Variants in R3HDM1 observed in about 807,000 individuals in gnomAD.
R3HDM1 encodes the protein R3H domain-containing protein 1.
In R3HDM1, 46 loss-of-function variants were observed where a neutral mutation model predicts 141.1. That is an observed-to-expected ratio of 0.33 (90% CI 0.26 to 0.42). The LOEUF is 0.42. Ranked by LOEUF, R3HDM1 falls within the 10% of genes least tolerant of loss-of-function variation. The pLI is 1.00. For missense variants in R3HDM1, 1,184 were observed against 1,368.3 expected (o/e 0.87, Z 2.12); for synonymous variants, 435 against 472.9 (o/e 0.92, Z 1.04).
chr2:135,586,627 A>C (rs969682327), intron 1 of R3HDM1: 1 of 884,544 alleles, frequency 1.1e-6, no homozygotes. Flanking sequence ...TACTATATTG[A>C]AAGTGAGAGC....
intron 21 of R3HDM1, 52 bp downstream of exon 21, chr2:135,680,376 T>A (rs753092271): frequency 1.3e-6 from 2 of 1,587,260 alleles, no homozygotes; most frequent in African/African-American, 2.7e-5. Flanking sequence ...TTTACCAGGA[T>A]TATGGTCTGT....
chr2:135,571,486 C>T (rs971065154), intron 1 of R3HDM1, among the ~76,000 whole-genome samples: 3 of 151,576 alleles, frequency 2.0e-5, no homozygotes, highest in Non-Finnish European at 4.4e-5. Flanking sequence ...CCACCACACC[C>T]GGCTTATTTT....
At chr2:135,647,960 C>A (rs921032832) in intron 16 of R3HDM1, among the ~76,000 whole-genome samples, 4 of 152,128 alleles carry the variant, frequency 2.6e-5, no homozygotes, top group Admixed American at 2.6e-4. Flanking sequence ...TTAATTCATA[C>A]CCTTGGTGCT....
chr2:135,628,513 C>T (rs547913851), intron 7 of R3HDM1, among the ~76,000 whole-genome samples: 1 of 152,302 alleles, frequency 6.6e-6, no homozygotes, highest in South Asian at 2.1e-4. Context: ...GTGCATTTCA[C>T]TGAAGAACAA....
At chr2:135,540,467 C>G (rs1306365805) in intron 1 of R3HDM1, among the ~76,000 whole-genome samples, 1 of 152,144 alleles carries the variant, frequency 6.6e-6, no homozygotes, top group African/African-American at 2.4e-5. Flanking sequence ...GCTCTGTTGC[C>G]CAGGTTGGAG....
intron 1 of R3HDM1, among the ~76,000 whole-genome samples, chr2:135,564,880 G>A (rs541368936): frequency 5.3e-5 from 8 of 152,296 alleles, no homozygotes; most frequent in Non-Finnish European, 1.2e-4. Context: ...TGCCTGGCAA[G>A]TAGTTATCAC....
At chr2:135,709,081 C>T (rs1220568507) in intron 21 of R3HDM1, among the ~76,000 whole-genome samples, 1 of 151,454 alleles carries the variant, frequency 6.6e-6, no homozygotes, top group African/African-American at 2.4e-5. Flanking sequence ...TCTGTTGTTT[C>T]CTCTATTCTT....
At chr2:135,720,568 A>G (rs1210274516) in intron 24 of R3HDM1, among the ~76,000 whole-genome samples, 2 of 152,254 alleles carry the variant, frequency 1.3e-5, no homozygotes, top group African/African-American at 4.8e-5. Flanking sequence ...CCTGAGTGAT[A>G]GAAAGCAATT....
At chr2:135,584,388 A>G (rs536681036) in intron 1 of R3HDM1, 6 of 940,986 alleles carry the variant, frequency 6.4e-6, no homozygotes, top group African/African-American at 3.6e-5. Flanking sequence ...GAAAGTTTTC[A>G]TTACCTGACC....
At chr2:135,698,141 G>A (rs2073556022) in intron 21 of R3HDM1, among the ~76,000 whole-genome samples, 1 of 150,828 alleles carries the variant, frequency 6.6e-6, no homozygotes, top group Non-Finnish European at 1.5e-5. Flanking sequence ...GGAAGGCAGG[G>A]ATACTTCTTT....
intron 19 of R3HDM1, chr2:135,670,634 G>A (rs1042439022): frequency 2.6e-5 from 4 of 155,628 alleles, no homozygotes; most frequent in East Asian, 1.9e-4. Flanking sequence ...ATGTAAATGG[G>A]GAGTATCTAT....
At chr2:135,604,149 T>C (rs2059851604) in intron 2 of R3HDM1, among the ~76,000 whole-genome samples, 1 of 152,226 alleles carries the variant, frequency 6.6e-6, no homozygotes, top group African/African-American at 2.4e-5. Context: ...TTCTTCATAT[T>C]GCTGAACATA....
chr2:135,698,999 A>ATAGG (rs2073726888), intron 21 of R3HDM1, among the ~76,000 whole-genome samples: 1 of 113,280 alleles, frequency 8.8e-6, no homozygotes, highest in Admixed American at 8.9e-5. Context: ...AGATAGATAG[A>ATAGG]TAGATAGATA....
At chr2:135,546,361 C>T (rs1018236763) in intron 1 of R3HDM1, among the ~76,000 whole-genome samples, 17 of 152,252 alleles carry the variant, frequency 1.1e-4, no homozygotes, top group Non-Finnish European at 1.6e-4. Context: ...TTCCCTTCCT[C>T]TCCACCCTGA....
In R3HDM1 at chr2:135,723,899, A is replaced by AAATCAAT. The variant is rs758282100; in HGVS notation, c.3050-37_3050-36insATCAATA. Reference sequence around the variant, plus strand: ...TGCTTTTTTACCCAACTTTTTTGGTAACAGGAATGTATTGATTCTGTACCT... The same window carrying AAATCAAT: ...TGCTTTTTTACCCAACTTTTTTGGTAAATCAATACAGGAATGTATTGATTCTGTACCT... On this transcript the variant is annotated intron_variant, in intron 26 of 26. Coordinates refer to ENST00000683871, the MANE Select transcript of R3HDM1 (RefSeq NM_001378107.1). 24 of 1,518,256 alleles carry AAATCAAT rather than the reference A, an allele frequency of 1.6e-5. No individual in the cohort carries two copies. In the East Asian group the frequency reaches 5.5e-4, roughly 35 times the overall value. 94.0% of individuals were successfully genotyped at this position (1,518,256 alleles called of 1,614,324 possible).
chr2:135,723,837 C>T (rs1003365367), intron 26 of R3HDM1, 100 bp from the exon 27 acceptor site: 19 of 626,642 alleles, frequency 3.0e-5, no homozygotes, highest in Admixed American at 2.0e-4. Context: ...TTTGTGTATT[C>T]GAATGGTCAT....
chr2:135,591,143 A>G (rs569482616), intron 1 of R3HDM1, among the ~76,000 whole-genome samples: 1 of 152,292 alleles, frequency 6.6e-6, no homozygotes, highest in South Asian at 2.1e-4. Flanking sequence ...GTGAAGTTTC[A>G]CATTTTAAGC....
intron 15 of R3HDM1, among the ~76,000 whole-genome samples, chr2:135,643,995 G>A (rs1015599492): frequency 6.6e-6 from 1 of 152,020 alleles, no homozygotes; most frequent in African/African-American, 2.4e-5. Context: ...AGAGGATCAG[G>A]AAAAATAACT....
rs544130304 is a variant in R3HDM1 at position 135,550,752 on chromosome 2, GTCC to G, written c.-250+19125_-250+19127del. On this transcript the variant is annotated intron_variant, in intron 1 of 26. Coordinates refer to ENST00000683871, the MANE Select transcript of R3HDM1 (RefSeq NM_001378107.1). Reference sequence around the variant, plus strand: ...TTTCTTTTTTCTCCTCTTTCTACTTGTCCTCCTCTTATAAAAGTTCAACTTTAT... The same window carrying G: ...TTTCTTTTTTCTCCTCTTTCTACTTGTCCTCTTATAAAAGTTCAACTTTAT... Among the ~76,000 whole-genome samples the G allele has an allele frequency of 1.7e-3, 261 of 151,814 alleles. 1 individual carries two copies. Among genetic ancestry groups the G allele is most frequent in the African/African-American group, 6.0e-3 (248 of 41,400 alleles).
Sources: allele counts gnomAD v4.1 joint callset (sites outside exome capture counted in the v4.1 genomes callset), GRCh38; gene constraint gnomAD v4.1.1; transcripts MANE v1.5; gene names NCBI Gene and HGNC (gene_info 2026-07-23, HGNC 2026-07-21).